The following MAGI1 variants were observed in gnomAD, a reference collection of about 807,000 sequenced individuals.
The protein encoded by MAGI1 is membrane-associated guanylate kinase, WW and PDZ domain-containing protein 1.
In MAGI1, 58 loss-of-function variants were observed where a neutral mutation model predicts 139.9. That is an observed-to-expected ratio of 0.41 (90% CI 0.34 to 0.52). The LOEUF (loss-of-function observed/expected upper bound fraction) is 0.52. Ranked by LOEUF, MAGI1 falls within the 20% of genes least tolerant of loss-of-function variation. MAGI1 has a pLI of 0.12. For synonymous variants in MAGI1, 812 were observed against 737.9 expected (o/e 1.10, Z -1.63); for missense variants, 1,874 against 1,901.6 (o/e 0.99, Z 0.27).
chr3:65,388,170 T>C (rs1943597992), intron 14 of MAGI1, among the ~76,000 whole-genome samples: 1 of 152,220 alleles, frequency 6.6e-6, no homozygotes, highest in Non-Finnish European at 1.5e-5. Flanking sequence ...ACATTTGTAA[T>C]TCAGACTGAT....
chr3:65,929,122 CCAG>C (rs1240233496), intron 1 of MAGI1, among the ~76,000 whole-genome samples: 6 of 150,868 alleles, frequency 4.0e-5, no homozygotes, highest in Non-Finnish European at 7.4e-5. Flanking sequence ...CCGGTGCACC[CCAG>C]CCTGAGTGAC....
intron 3 of MAGI1, among the ~76,000 whole-genome samples, chr3:65,481,634 A>G (rs1951301392): frequency 6.6e-6 from 1 of 152,238 alleles, no homozygotes; most frequent in South Asian, 2.1e-4. Flanking sequence ...CCTCCCTCGT[A>G]ATTTTTATAT....
intron 2 of MAGI1, among the ~76,000 whole-genome samples, chr3:65,598,709 T>C (rs2082344632): frequency 1.3e-5 from 2 of 152,122 alleles, no homozygotes; most frequent in African/African-American, 4.8e-5. Flanking sequence ...AAACTCACTG[T>C]TTTTAAGGAG....
At chr3:65,600,436 A>C (rs1225379616) in intron 2 of MAGI1, among the ~76,000 whole-genome samples, 1 of 152,266 alleles carries the variant, frequency 6.6e-6, no homozygotes, top group East Asian at 1.9e-4. Flanking sequence ...CACAGGAAAA[A>C]GAGTCCATGA....
At chr3:65,727,677 A>G (rs2033763053) in intron 1 of MAGI1, among the ~76,000 whole-genome samples, 2 of 152,190 alleles carry the variant, frequency 1.3e-5, no homozygotes, top group Admixed American at 6.5e-5. Context: ...GCATTCACAC[A>G]TTGCTTGTTT....
chr3:66,031,285 G>A (rs555409528), intron 1 of MAGI1, among the ~76,000 whole-genome samples: 2 of 152,206 alleles, frequency 1.3e-5, no homozygotes, highest in African/African-American at 2.4e-5. Flanking sequence ...TAACACCAGA[G>A]AGTGGTGCTT....
intron 14 of MAGI1, among the ~76,000 whole-genome samples, chr3:65,388,286 C>T (rs760929960): frequency 6.6e-6 from 1 of 152,126 alleles, no homozygotes; most frequent in Non-Finnish European, 1.5e-5. Context: ...TGTTAATCTC[C>T]ACATTGCCCC....
intron 1 of MAGI1, among the ~76,000 whole-genome samples, chr3:66,027,161 G>C (rs948156568): frequency 1.3e-5 from 2 of 151,778 alleles, no homozygotes; most frequent in Admixed American, 1.3e-4. Context: ...TCAGCTACTC[G>C]AGAGGCTGAG....
chr3:65,698,949 A>T (rs1206368218), intron 1 of MAGI1, among the ~76,000 whole-genome samples: 2 of 133,838 alleles, frequency 1.5e-5, no homozygotes, highest in Non-Finnish European at 3.2e-5. Flanking sequence ...AACCTACAAA[A>T]TGGGAGAAAA....
At chr3:65,835,213 A>G (rs899126834) in intron 1 of MAGI1, among the ~76,000 whole-genome samples, 14 of 151,954 alleles carry the variant, frequency 9.2e-5, no homozygotes, top group East Asian at 5.8e-4. Context: ...TAAAAGCTCT[A>G]TTTTGGTTTT....
chr3:66,030,763 G>C (rs912786877), intron 1 of MAGI1, among the ~76,000 whole-genome samples: 1 of 152,132 alleles, frequency 6.6e-6, no homozygotes, highest in African/African-American at 2.4e-5. Flanking sequence ...TCACTATAAG[G>C]ACTTCGGCTT....
chr3:65,949,320 A>C (rs1044034378), intron 1 of MAGI1, among the ~76,000 whole-genome samples: 2 of 152,198 alleles, frequency 1.3e-5, no homozygotes, highest in Non-Finnish European at 2.9e-5. Flanking sequence ...TTAAAGGTCA[A>C]TTGCTATTTC....
chr3:65,432,489 G>A (rs1267750092), intron 10 of MAGI1, among the ~76,000 whole-genome samples: 1 of 152,154 alleles, frequency 6.6e-6, no homozygotes, highest in East Asian at 1.9e-4. Context: ...AAAGTTTCTG[G>A]CTCTTGCAAA....
chr3:65,864,750 G>C (rs918555218), intron 1 of MAGI1, among the ~76,000 whole-genome samples: 2 of 152,078 alleles, frequency 1.3e-5, no homozygotes, highest in Non-Finnish European at 1.5e-5. Flanking sequence ...ATGGCCATTC[G>C]ACAGAAATAT....
At chr3:65,632,164 G>A (rs1210402823) in intron 1 of MAGI1, among the ~76,000 whole-genome samples, 2 of 152,042 alleles carry the variant, frequency 1.3e-5, no homozygotes, top group Non-Finnish European at 2.9e-5. Flanking sequence ...TTATTTTAAA[G>A]GTTCTTGATA....
chr3:65,478,779 G>C lies in MAGI1; in HGVS notation c.570C>G (p.Pro190=). Residue 190 remains proline, a synonymous_variant, in exon 4 of 23, where the codon CCC becomes CCG. Transcript: ENST00000402939. ...GTYEGNYYGT[P]KPPSQPVSGK... is the part of the protein sequence containing the mutation. Reference sequence around the variant, plus strand: ...CACTGACTGGCTGGCTAGGAGGCTTGGGTGTCCCATAATAGTTTCCTAGGT... The same window carrying C: ...CACTGACTGGCTGGCTAGGAGGCTTCGGTGTCCCATAATAGTTTCCTAGGT... 3 of 1,613,744 alleles carry C rather than the reference G, an allele frequency of 1.9e-6. No individual in the cohort carries two copies. The highest frequency in any genetic ancestry group is 2.5e-6 in the Non-Finnish European group (3 of 1,179,760).
At chr3:65,720,557 C>T (rs1200815114) in intron 1 of MAGI1, among the ~76,000 whole-genome samples, 1 of 152,118 alleles carries the variant, frequency 6.6e-6, no homozygotes, top group Non-Finnish European at 1.5e-5. Context: ...AGAATGTTAG[C>T]TCACCATCAC....
intron 17 of MAGI1, among the ~76,000 whole-genome samples, chr3:65,378,391 T>C (rs1043751009): frequency 1.3e-5 from 2 of 152,036 alleles, no homozygotes; most frequent in African/African-American, 4.8e-5. Context: ...AAAATATTAT[T>C]TAAAATTAAA....
chr3:65,556,326 T>C (rs1333000813), intron 2 of MAGI1, among the ~76,000 whole-genome samples: 1 of 152,222 alleles, frequency 6.6e-6, no homozygotes, highest in Non-Finnish European at 1.5e-5. Context: ...CAACATGCTT[T>C]TGTCGCTTAG....
Sources: allele counts gnomAD v4.1 joint callset (sites outside exome capture counted in the v4.1 genomes callset), GRCh38; gene constraint gnomAD v4.1.1; transcripts MANE v1.5; gene names NCBI Gene and HGNC (gene_info 2026-07-23, HGNC 2026-07-21).